The following GFOD2 variants were observed in gnomAD, a reference collection of about 807,000 sequenced individuals.
The protein encoded by GFOD2 is Gfo/Idh/MocA-like oxidoreductase domain containing 2, also known as glucose-fructose oxidoreductase domain-containing protein 2.
In GFOD2, 9 loss-of-function variants were observed where a neutral mutation model predicts 24.6. The ratio of observed to expected loss-of-function variants is 0.37; its 90% CI spans 0.22 to 0.64. The LOEUF (loss-of-function observed/expected upper bound fraction) is 0.64, where lower values mean the gene tolerates loss of function less well. Among genes scored for constraint, GFOD2 ranks in the 30% least tolerant of loss-of-function variants. GFOD2 has a pLI of 0.65. For synonymous variants in GFOD2, 211 were observed against 224.8 expected, an observed-to-expected ratio of 0.94 and a Z score of 0.55; for missense variants, 476 against 532.5, an observed-to-expected ratio of 0.89 and a Z score of 1.04.
At chr16:67,694,240 G>A (rs932853773) in intron 1 of GFOD2, among the ~76,000 whole-genome samples, 3 of 151,776 alleles carry the variant, frequency 2.0e-5, no homozygotes, top group South Asian at 2.1e-4. Context: ...CAGGTGATCC[G>A]CTCGCCTGGG....
chr16:67,704,647 A>C (rs184334941), intron 1 of GFOD2, among the ~76,000 whole-genome samples: 22 of 152,326 alleles, frequency 1.4e-4, no homozygotes, highest in Admixed American at 5.2e-4. Flanking sequence ...AAAAAAACCA[A>C]ATTGTTGCCA....
In GFOD2 at chr16:67,675,165, T is replaced by C; in HGVS notation, c.1148A>G (p.Asn383Ser). 1.2e-6 allele frequency: 2 copies of C among 1,611,988 alleles called. No homozygotes were observed. Among genetic ancestry groups the C allele is most frequent in the Non-Finnish European group, 1.7e-6 (2 of 1,178,770 alleles). Reference protein sequence around the residue: ...NQNLCEALQRNNL With the variant: ...NQNLCEALQRSNL ...AGCCCAGGTGCAGGCTCATAGGTTG[T>C]TCCGCTGAAGTGCCTCACACAGGTT... The change falls in exon 3 of 3, where the codon AAC becomes AGC. Residue 383 changes from asparagine to serine, a missense_variant. By Grantham distance (46) the Asn-to-Ser change is conservative. Coordinates refer to ENST00000268797, the MANE Select transcript of GFOD2 (RefSeq NM_030819.4).
intron 1 of GFOD2, among the ~76,000 whole-genome samples, chr16:67,696,290 G>C (rs888680554): frequency 6.6e-6 from 1 of 151,104 alleles, no homozygotes; most frequent in Non-Finnish European, 1.5e-5. Context: ...TAGGATTACA[G>C]GCGTGAGCCA....
chr16:67,676,278 C>A lies in GFOD2; in HGVS notation c.260-225G>T, dbSNP rs560355903. On this transcript the variant is annotated intron_variant, in intron 2 of 2. Transcript: ENST00000268797. ...TCCTAAGTGGGACCACAGGTGTGTA[C>A]CACCACGCCTGGCTAATTTAAAATT... 2.0e-4 allele frequency: 109 copies of A among 543,806 alleles called. No homozygotes were observed. The East Asian group carries it at 2.9e-3, about 14-fold the overall frequency. 33.7% of individuals were successfully genotyped at this position (543,806 alleles called of 1,614,324 possible).
chr16:67,681,863 A>C (rs1419310892), intron 2 of GFOD2: 3 of 985,276 alleles, frequency 3.0e-6, no homozygotes, highest in Non-Finnish European at 3.6e-6. Context: ...CTCTCCTGCC[A>C]GGAAGTCAAG....
chr16:67,682,014 T>G, intron 2 of GFOD2: 1 of 325,080 alleles, frequency 3.1e-6, no homozygotes, highest in Non-Finnish European at 4.4e-6. Flanking sequence ...ATCCTGTCTC[T>G]ACAAAAATGT....
intron 2 of GFOD2, among the ~76,000 whole-genome samples, chr16:67,679,792 CAGG>C (rs749383188): frequency 2.6e-5 from 4 of 151,628 alleles, no homozygotes; most frequent in Non-Finnish European, 4.4e-5. Flanking sequence ...GAGGCTGAGG[CAGG>C]AGAATTGCTT....
intron 1 of GFOD2, among the ~76,000 whole-genome samples, chr16:67,694,033 C>A (rs946954763): frequency 6.6e-6 from 1 of 151,984 alleles, no homozygotes; most frequent in African/African-American, 2.4e-5. Context: ...ATCACCCAGG[C>A]TGGAATGCAG....
At chr16:67,678,879 A>C (rs1374618956) in intron 2 of GFOD2, among the ~76,000 whole-genome samples, 3 of 152,006 alleles carry the variant, frequency 2.0e-5, no homozygotes, top group Non-Finnish European at 2.9e-5. Flanking sequence ...CTTGGATTTT[A>C]AGACTTGGCT....
chr16:67,711,366 T>G (rs535101870), intron 1 of GFOD2, among the ~76,000 whole-genome samples: 1 of 152,138 alleles, frequency 6.6e-6, no homozygotes, highest in Non-Finnish European at 1.5e-5. Context: ...ACAACACAAA[T>G]TTCTTCTGAT....
At chr16:67,696,635 G>A (rs561119545) in intron 1 of GFOD2, among the ~76,000 whole-genome samples, 37 of 151,526 alleles carry the variant, frequency 2.4e-4, no homozygotes, top group African/African-American at 8.5e-4. Flanking sequence ...CACCACACCC[G>A]GCTAATTTTT....
At chr16:67,716,811 G>A (rs1250913086) in intron 1 of GFOD2, among the ~76,000 whole-genome samples, 2 of 152,122 alleles carry the variant, frequency 1.3e-5, no homozygotes, top group East Asian at 3.8e-4. Context: ...TAACCCCACA[G>A]GTGCAAGAAA....
chr16:67,714,726 T>C (rs568967356), intron 1 of GFOD2, among the ~76,000 whole-genome samples: 22 of 152,304 alleles, frequency 1.4e-4, no homozygotes, highest in African/African-American at 4.8e-4. Context: ...CCACACTAAG[T>C]ACTCAGTTCC....
intron 1 of GFOD2, among the ~76,000 whole-genome samples, chr16:67,712,348 C>G (rs1050727672): frequency 1.5e-5 from 2 of 133,080 alleles, no homozygotes; most frequent in African/African-American, 5.7e-5. Flanking sequence ...CAAGGCTGGA[C>G]GGTACTGCTG....
At chr16:67,685,292 T>C in intron 2 of GFOD2, 165 bp downstream of exon 2, 7 of 1,451,588 alleles carry the variant, frequency 4.8e-6, no homozygotes, top group Non-Finnish European at 4.5e-6. Context: ...TATGTCTTTT[T>C]TCATGCCCTC....
At position 67,689,021 on chromosome 16, in the gene GFOD2, G is replaced by A. The variant is rs184360033; in HGVS notation, c.-87-3219C>T. On this transcript the variant is annotated intron_variant, in intron 1 of 2. Coordinates refer to ENST00000268797, the MANE Select transcript of GFOD2 (RefSeq NM_030819.4). ...CCCGAAGTGCTGGGATTACAGGCGTGAGCCACCGAGCCTGACCTACTTTTT... is the reference window on the plus strand; with the variant it reads ...CCCGAAGTGCTGGGATTACAGGCGTAAGCCACCGAGCCTGACCTACTTTTT... 8.0e-5 allele frequency among the ~76,000 whole-genome samples: 12 copies of A among 149,768 alleles called. No homozygotes were observed. The East Asian group carries it at 1.6e-3, about 20-fold the overall frequency.
intron 2 of GFOD2, among the ~76,000 whole-genome samples, chr16:67,678,296 A>C (rs543327410): frequency 6.6e-6 from 1 of 152,172 alleles, no homozygotes; most frequent in African/African-American, 2.4e-5. Flanking sequence ...AACTAGCAGG[A>C]AGAAACCCCG....
At chr16:67,710,827 A>G (rs1351156856) in intron 1 of GFOD2, among the ~76,000 whole-genome samples, 1 of 151,898 alleles carries the variant, frequency 6.6e-6, no homozygotes, top group African/African-American at 2.4e-5. Context: ...ATCAATCCCC[A>G]CTTGCTGTGC....
At chr16:67,699,460 G>C (rs1052056329) in intron 1 of GFOD2, among the ~76,000 whole-genome samples, 6 of 152,098 alleles carry the variant, frequency 3.9e-5, no homozygotes, top group African/African-American at 7.2e-5. Context: ...AACTACTATT[G>C]GATAGGAGAA....
Sources: gnomAD v4.1 joint callset for allele counts (sites outside exome capture counted in the v4.1 genomes callset) on GRCh38, gnomAD v4.1.1 for gene constraint, MANE v1.5 for transcripts, NCBI Gene and HGNC (gene_info 2026-07-23, HGNC 2026-07-21) for gene names.